CENPS: variants seen among roughly 807,000 people sequenced by gnomAD.
CENPS encodes the protein centromere protein S.
Under a neutral mutation model 17.9 loss-of-function variants are expected in CENPS, and 16 were observed. The observed-to-expected ratio is 0.90, with a 90% confidence interval of 0.61 to 1.36. The LOEUF is 1.36. Among genes scored for constraint, CENPS ranks in the 40% most tolerant of loss-of-function variants. The probability of loss-of-function intolerance (pLI) is 0.00; values close to 1 mark genes in which losing one functional copy is unlikely to be tolerated. For missense variants in CENPS, 160 were observed against 158.6 expected (o/e 1.01, Z -0.05); for synonymous variants, 49 against 55.8 (o/e 0.88, Z 0.54).
rs1205169042 is a variant in CENPS, at chr1:10,434,823, T to A, written c.209+133T>A. On this transcript the variant is annotated intron_variant, in intron 3 of 4. Transcript: ENST00000309048. ...TTTTGTGGAGGCTTGTCTCTAATCA[T>A]GGTTCTGCAAGAACATGACGCCTCC... 2.0e-5 allele frequency: 26 copies of A among 1,298,448 alleles called. No individual in the cohort carries two copies. The Admixed American group carries it at 4.8e-4, about 24-fold the overall frequency. The allele number at this position is 1,298,448 out of a possible 1,614,324, so 80.4% of individuals were successfully genotyped here.
chr1:10,435,712 T>TACACACACACACACAC (rs1157849538), intron 3 of CENPS, among the ~76,000 whole-genome samples: 5 of 143,816 alleles, frequency 3.5e-5, no homozygotes, highest in African/African-American at 1.3e-4. Flanking sequence ...AATATATATA[T>TACACACACACACACAC]ATATACACAC....
intron 1 of CENPS, 97 bp downstream of exon 1, chr1:10,430,665 A>C: frequency 1.4e-6 from 2 of 1,451,656 alleles, no homozygotes; most frequent in Non-Finnish European, 9.1e-7. Flanking sequence ...TCTCATCGGC[A>C]CCCCGCCCCC....
intron 1 of CENPS, chr1:10,431,101 G>T (rs1639891665): frequency 9.3e-6 from 13 of 1,400,016 alleles, no homozygotes; most frequent in African/African-American, 1.5e-5. Context: ...CGGCCCAGAC[G>T]CAATTTTCTT....
chr1:10,431,068 G>T (rs1346442059), intron 1 of CENPS: 3 of 1,364,128 alleles, frequency 2.2e-6, no homozygotes, highest in South Asian at 3.2e-5. Context: ...TCTCTGCCCC[G>T]CCAACTTGTG....
chr1:10,430,534 A>G lies in CENPS; in HGVS notation c.17A>G (p.Glu6Gly). The change falls in exon 1 of 5, where the codon GAG becomes GGG. Residue 6 changes from glutamate to glycine, a missense_variant. Physicochemically the swap from Glu to Gly is moderately conservative, Grantham distance 98. Transcript: ENST00000309048. MEEEA[E>G]TEEQQRFSYQ... ...CCCGCAGTGATGGAGGAGGAGGCGG[A>G]GACCGAGGAGCAGCAGCGATTCTCT... 6.5e-7 allele frequency: 1 copy of G among 1,537,582 alleles called. No individual in the cohort carries two copies. The highest frequency in any genetic ancestry group is 8.8e-7 in the Non-Finnish European group (1 of 1,142,444).
rs1291061137 is a variant in CENPS, at chr1:10,442,523, G to A, written c.*118G>A. On this transcript the variant is annotated 3_prime_UTR_variant, in exon 5 of 5. Transcript: ENST00000309048. The stretch of plus-strand genomic sequence containing the variant: ...AGATTTAAAAAAATAAAATAAAAAG[G>A]CTGGGCTAGGGTGCTTTTTGTGCTG... The A allele has an allele frequency of 2.2e-6, 3 of 1,349,200 alleles. No individual in the cohort carries two copies. The highest frequency in any genetic ancestry group is 1.5e-5 in the African/African-American group (1 of 65,552). The allele number at this position is 1,349,200 out of a possible 1,614,324, so 83.6% of individuals were successfully genotyped here. A position where few individuals can be genotyped will look rare whatever the true frequency, so the allele number is the denominator to read the frequency against.
intron 2 of CENPS, among the ~76,000 whole-genome samples, 196 bp downstream of exon 2, chr1:10,434,161 CT>C (rs1267851445): frequency 6.6e-6 from 1 of 152,124 alleles, no homozygotes; most frequent in Non-Finnish European, 1.5e-5. Flanking sequence ...TATTTTTTTC[CT>C]ATTACACTAA....
chr1:10,442,532 G>C lies in CENPS; in HGVS notation c.*127G>C. ...AAAATAAAATAAAAAGGCTGGGCTA[G>C]GGTGCTTTTTGTGCTGAATTCTCCA... On this transcript the variant is annotated 3_prime_UTR_variant, in exon 5 of 5. Transcript: ENST00000309048. 7.5e-7 allele frequency: 1 copy of C among 1,327,646 alleles called. No homozygotes were observed. The highest frequency in any genetic ancestry group is 2.6e-5 in the South Asian group (1 of 39,124). The allele number at this position is 1,327,646 out of a possible 1,614,324, so 82.2% of individuals were successfully genotyped here.
intron 3 of CENPS, among the ~76,000 whole-genome samples, chr1:10,437,213 T>C (rs923469205): frequency 6.6e-6 from 1 of 152,046 alleles, no homozygotes; most frequent in African/African-American, 2.4e-5. Flanking sequence ...TGGAGTGCAG[T>C]GGCAGGATCA....
chr1:10,430,652 G>GCTTCTCATCGGCAC (rs890639890), intron 1 of CENPS, 84 bp downstream of exon 1: 1 of 1,474,658 alleles, frequency 6.8e-7, no homozygotes, highest in African/African-American at 1.5e-5. Flanking sequence ...GCCCCCGGCG[G>GCTTCTCATCGGCAC]CTTCTCATCG....
At chr1:10,439,858 G>A (rs1473776079) in intron 3 of CENPS, among the ~76,000 whole-genome samples, 1 of 152,190 alleles carries the variant, frequency 6.6e-6, no homozygotes, top group Non-Finnish European at 1.5e-5. Flanking sequence ...GCTTTTTCCT[G>A]TTAAGTTAGC....
intron 2 of CENPS, 24 bp downstream of exon 2, chr1:10,433,989 C>T: frequency 1.2e-6 from 2 of 1,613,820 alleles, no homozygotes; most frequent in Non-Finnish European, 8.5e-7. Flanking sequence ...GCCTCCCCAG[C>T]CATGTCTGTA....
chr1:10,439,304 G>A (rs1640308351), intron 3 of CENPS, among the ~76,000 whole-genome samples: 1 of 152,134 alleles, frequency 6.6e-6, no homozygotes, highest in African/African-American at 2.4e-5. Context: ...TATTTTGTGG[G>A]GAAGTTAGAA....
chr1:10,431,314 C>G (rs1343230695), intron 1 of CENPS: 2 of 1,535,294 alleles, frequency 1.3e-6, no homozygotes, highest in Admixed American at 3.9e-5. Flanking sequence ...CGGGAGTTTC[C>G]TCTCTACAAA....
chr1:10,442,658 G>T lies in CENPS; in HGVS notation c.*253G>T. On this transcript the variant is annotated 3_prime_UTR_variant, in exon 5 of 5. Transcript: ENST00000309048. ...CATAAAAATGGTGTGTGATCAAATG[G>T]TATATATTAGAAATTACATCTGTTG... 2 of 400,906 alleles carry T rather than the reference G, an allele frequency of 5.0e-6. No individual in the cohort carries two copies. Among genetic ancestry groups the T allele is most frequent in the Admixed American group, 4.9e-5 (1 of 20,560 alleles). 24.8% of individuals were successfully genotyped at this position (400,906 alleles called of 1,614,324 possible). A position where few individuals can be genotyped will look rare whatever the true frequency, so the allele number is the denominator to read the frequency against.
chr1:10,441,073 G>A (rs1370790688), intron 4 of CENPS, among the ~76,000 whole-genome samples: 1 of 152,190 alleles, frequency 6.6e-6, no homozygotes, highest in Non-Finnish European at 1.5e-5. Context: ...TGTGTGCCTG[G>A]CACACAGGAA....
intron 1 of CENPS, chr1:10,430,915 T>C: frequency 7.9e-7 from 1 of 1,262,694 alleles, no homozygotes; most frequent in Non-Finnish European, 1.0e-6. Context: ...CATTAGACAT[T>C]CCAGGTGACG....
In CENPS at chr1:10,440,334, G is replaced by C. The variant is rs1640352870; in HGVS notation, c.210-13G>C. On this transcript the variant is annotated splice_polypyrimidine_tract_variant and intron_variant, in intron 3 of 4. Transcript: ENST00000309048. The stretch of plus-strand genomic sequence containing the variant: ...CCAAACATTTTGGTGACTTGCTTCT[G>C]CCCTTTCTGCAGACATGCGAAAAGA... The C allele has an allele frequency of 6.2e-7, 1 of 1,611,514 alleles. No homozygotes were observed. The highest frequency in any genetic ancestry group is 1.3e-5 in the African/African-American group (1 of 74,806).
chr1:10,440,237 G>A (rs1640348727), intron 3 of CENPS, 110 bp from the exon 4 acceptor site: 9 of 1,393,236 alleles, frequency 6.5e-6, no homozygotes, highest in Non-Finnish European at 8.7e-6. Flanking sequence ...AAAAGGATGG[G>A]CTACTTAGAG....
Sources: allele counts gnomAD v4.1 joint callset (sites outside exome capture counted in the v4.1 genomes callset), GRCh38; gene constraint gnomAD v4.1.1; transcripts MANE v1.5; gene names NCBI Gene and HGNC (gene_info 2026-07-23, HGNC 2026-07-21).